The following LDLRAP1 variants were observed in gnomAD, a reference collection of about 807,000 sequenced individuals.
LDLRAP1 encodes low density lipoprotein receptor adapter protein 1.
A neutral mutation model predicts 37.8 loss-of-function variants in LDLRAP1; 30 were observed. The ratio of observed to expected loss-of-function variants is 0.79; its 90% CI spans 0.59 to 1.08. The LOEUF (loss-of-function observed/expected upper bound fraction) is 1.08. Ranked by LOEUF, LDLRAP1 falls within the 50% of genes least tolerant of loss-of-function variation. The pLI is 0.00. For missense variants in LDLRAP1, 375 were observed against 401.6 expected (o/e 0.93, Z 0.57); for synonymous variants, 156 against 169.8 (o/e 0.92, Z 0.63).
chr1:25,549,627 A>C (rs1230532467), intron 1 of LDLRAP1, among the ~76,000 whole-genome samples: 1 of 152,208 alleles, frequency 6.6e-6, no homozygotes, highest in Non-Finnish European at 1.5e-5. Context: ...GGCCAAAAAT[A>C]ACTAGGACCG....
chr1:25,567,384 C>T lies in LDLRAP1; in HGVS notation c.*392C>T. On this transcript the variant is annotated 3_prime_UTR_variant, in exon 9 of 9. Coordinates refer to ENST00000374338, the MANE Select transcript of LDLRAP1 (RefSeq NM_015627.3). The stretch of plus-strand genomic sequence containing the variant: ...CTAGTCCCTTCTCTCTTTCTAAGGA[C>T]CCAAATTTCCCTGGGGGCATCCTGC... 3.2e-6 allele frequency: 1 copy of T among 316,242 alleles called. No homozygotes were observed. Among genetic ancestry groups the T allele is most frequent in the Non-Finnish European group, 6.1e-6 (1 of 162,996 alleles). 19.6% of individuals were successfully genotyped at this position (316,242 alleles called of 1,614,324 possible).
the LDLRAP1 span, among the ~76,000 whole-genome samples, chr1:25,578,188 C>G: frequency 6.6e-6 from 1 of 152,162 alleles, no homozygotes; most frequent in African/African-American, 2.4e-5. Context: ...CCTCAGCACA[C>G]AAAGAAGCGG....
the LDLRAP1 span, among the ~76,000 whole-genome samples, chr1:25,577,156 C>A: frequency 6.6e-6 from 1 of 152,176 alleles, no homozygotes; most frequent in Non-Finnish European, 1.5e-5. Flanking sequence ...TGCTTTATTG[C>A]AATAAATTTG....
intron 5 of LDLRAP1, 174 bp downstream of exon 5, chr1:25,562,890 G>A (rs979312661): frequency 1.2e-4 from 97 of 806,280 alleles, no homozygotes; most frequent in African/African-American, 5.8e-4. Flanking sequence ...GGGAACAGCC[G>A]TCTCCCTCCC....
chr1:25,562,607 C>T, intron 4 of LDLRAP1, 37 bp from the exon 5 acceptor site: 1 of 1,585,706 alleles, frequency 6.3e-7, no homozygotes. Context: ...CCCTGGCTGA[C>T]ACTGCACCCC....
downstream of LDLRAP1, among the ~76,000 whole-genome samples, chr1:25,570,352 C>T (rs564052342): frequency 5.3e-5 from 8 of 152,320 alleles, no homozygotes; most frequent in South Asian, 2.1e-4. Flanking sequence ...AGAACAAAGT[C>T]GCCTTTCAGA....
chr1:25,589,013 G>C, the LDLRAP1 span, among the ~76,000 whole-genome samples: 1 of 152,134 alleles, frequency 6.6e-6, no homozygotes, highest in African/African-American at 2.4e-5. Context: ...CCTCTAAGAA[G>C]TCTTCCTGGG....
At chr1:25,584,932 A>G in the LDLRAP1 span, among the ~76,000 whole-genome samples, 1 of 152,194 alleles carries the variant, frequency 6.6e-6, no homozygotes, top group African/African-American at 2.4e-5. Flanking sequence ...CAAGTGCTAC[A>G]AAGGGCAGGG....
At chr1:25,588,431 A>G in the LDLRAP1 span, among the ~76,000 whole-genome samples, 1 of 152,260 alleles carries the variant, frequency 6.6e-6, no homozygotes, top group Non-Finnish European at 1.5e-5. Context: ...AAACTGCCTT[A>G]GGGCTGGAGT....
At position 25,563,707 on chromosome 1, in the gene LDLRAP1, C is replaced by T; in HGVS notation, c.663C>T (p.Ala221=). Residue 221 remains alanine (A), a synonymous_variant, in exon 7 of 9, where the codon GCC becomes GCT. Transcript: ENST00000374338. ...NLLDLEETAK[A]PLSTVSANTT... ...TGGACTTAGAGGAGACAGCTAAGGC[C>T]CCGCTGTCCACGGTCAGCGCCAACA... 1 of 1,613,938 alleles carries T rather than the reference C, an allele frequency of 6.2e-7. No individual in the cohort carries two copies. Among genetic ancestry groups the T allele is most frequent in the South Asian group, 1.1e-5 (1 of 91,082 alleles).
chr1:25,549,641 C>T (rs1275198807), intron 1 of LDLRAP1, among the ~76,000 whole-genome samples: 5 of 152,234 alleles, frequency 3.3e-5, no homozygotes, highest in South Asian at 2.1e-4. Flanking sequence ...AGGACCGGAA[C>T]AGGGCTGTGC....
the LDLRAP1 span, chr1:25,581,783 T>C: frequency 6.6e-6 from 1 of 152,160 alleles, no homozygotes; most frequent in Admixed American, 6.6e-5. Flanking sequence ...GTAGGAGGAT[T>C]TGGGGTAAAG....
intron 1 of LDLRAP1, 183 bp from the exon 2 acceptor site, chr1:25,553,739 C>T: frequency 1.4e-6 from 1 of 696,780 alleles, no homozygotes; most frequent in East Asian, 2.8e-5. Flanking sequence ...CCACTGCACT[C>T]CAGCCTGAGT....
the LDLRAP1 span, among the ~76,000 whole-genome samples, chr1:25,588,077 A>G: frequency 6.6e-6 from 1 of 152,194 alleles, no homozygotes; most frequent in Non-Finnish European, 1.5e-5. Context: ...AAATGCTTGA[A>G]GACAGCATGC....
Position 25,553,976 on chromosome 1 carries a change from T to C in LDLRAP1, c.143T>C (p.Phe48Ser). ...TRETLLEGML[F>S]SLKYLGMTLV... ...GAGACGCTGCTGGAGGGGATGCTGT[T>C]CAGCCTCAAGTACCTGGGCATGACG... Residue 48 changes from phenylalanine (F) to serine (S), a missense_variant, in exon 2 of 9, where the codon TTC becomes TCC. Phe to Ser is a radical substitution (Grantham distance 155, BLOSUM62 -2). Transcript: ENST00000374338. 1.2e-6 allele frequency: 2 copies of C among 1,613,990 alleles called. No homozygotes were observed. Among genetic ancestry groups the C allele is most frequent in the Non-Finnish European group, 1.7e-6 (2 of 1,179,994 alleles).
chr1:25,557,252 C>T lies in LDLRAP1; in HGVS notation c.444C>T (p.Cys148=), dbSNP rs746845787. 8.7e-6 allele frequency: 14 copies of T among 1,612,712 alleles called. No individual in the cohort carries two copies. Among genetic ancestry groups the T allele is most frequent in the African/African-American group, 1.3e-5 (1 of 75,010 alleles). Residue 148 remains cysteine (C), a synonymous_variant, in exon 4 of 9, where the codon TGC becomes TGT. Transcript: ENST00000374338. The part of the protein sequence containing the change: ...NQSLECHAFL[C]TKRKMAQAVT... ...GCCTCGAGTGCCACGCCTTCCTCTG[C>T]ACCAAGCGGAAGATGGTCAGCGGGG...
intron 8 of LDLRAP1, among the ~76,000 whole-genome samples, chr1:25,566,633 G>A (rs1265515606): frequency 6.6e-6 from 1 of 151,998 alleles, no homozygotes; most frequent in Non-Finnish European, 1.5e-5. Context: ...GCCTCTCCCG[G>A]GGGTGGGTGC....
At chr1:25,557,560 T>C (rs537483322) in intron 4 of LDLRAP1, 12 of 481,378 alleles carry the variant, frequency 2.5e-5, no homozygotes, top group African/African-American at 1.9e-4. Context: ...TGAGATTGTT[T>C]TGGATCTCCT....
At chr1:25,559,318 G>A (rs971142040) in intron 4 of LDLRAP1, among the ~76,000 whole-genome samples, 21 of 152,190 alleles carry the variant, frequency 1.4e-4, no homozygotes, top group Non-Finnish European at 2.2e-4. Context: ...CCTCTGGGAT[G>A]AGGGGTCTGG....
Sources: gnomAD v4.1 joint callset for allele counts (sites outside exome capture counted in the v4.1 genomes callset) on GRCh38, gnomAD v4.1.1 for gene constraint, MANE v1.5 for transcripts, NCBI Gene and HGNC (gene_info 2026-07-23, HGNC 2026-07-21) for gene names.